Variants in SULT1B1 observed in about 807,000 individuals in gnomAD.
SULT1B1 encodes the protein sulfotransferase 1B1.
Under a neutral mutation model 34.6 loss-of-function variants are expected in SULT1B1, and 28 were observed. That is an observed-to-expected ratio of 0.81 (90% CI 0.60 to 1.11). The LOEUF is 1.11. SULT1B1 is among the 50% of genes least tolerant of loss of function. The probability of loss-of-function intolerance (pLI) is 0.00; values close to 1 mark genes in which losing one functional copy is unlikely to be tolerated. For missense variants in SULT1B1, 374 were observed against 352.2 expected, an observed-to-expected ratio of 1.06 and a Z score of -0.50; for synonymous variants, 147 against 110.2, an observed-to-expected ratio of 1.33 and a Z score of -2.09.
Position 69,760,604 on chromosome 4 carries a change from A to G in SULT1B1, c.-190T>C, listed in dbSNP as rs1578074055. 1 of 152,192 alleles carries G rather than the reference A, an allele frequency of 6.6e-6. No individual in the cohort carries two copies. Among genetic ancestry groups the G allele is most frequent in the African/African-American group, 2.4e-5 (1 of 41,418 alleles). 9.4% of individuals were successfully genotyped at this position (152,192 alleles called of 1,614,324 possible). ...CAGAAAAAAAAAAGTTCAAGGTTTG[A>G]TCTGAACGTAGCAATCACTGAGTTT... On this transcript the variant is annotated 5_prime_UTR_variant, in exon 1 of 8. Transcript: ENST00000310613.
chr4:69,757,986 C>A (rs1357939039), intron 1 of SULT1B1, among the ~76,000 whole-genome samples: 2 of 152,102 alleles, frequency 1.3e-5, no homozygotes, highest in East Asian at 1.9e-4. Flanking sequence ...GTGAATGGAG[C>A]ATTTTAGGAA....
intron 7 of SULT1B1, among the ~76,000 whole-genome samples, chr4:69,729,331 G>A (rs1307181428): frequency 6.6e-6 from 1 of 151,948 alleles, no homozygotes; most frequent in Non-Finnish European, 1.5e-5. Flanking sequence ...CATGTTTTGA[G>A]TGCCAATTTT....
chr4:69,755,862 T>C (rs1329646443), intron 1 of SULT1B1, among the ~76,000 whole-genome samples: 1 of 152,178 alleles, frequency 6.6e-6, no homozygotes, highest in Admixed American at 6.5e-5. Flanking sequence ...TCAGCCATTA[T>C]TTCTTCAAAT....
intron 7 of SULT1B1, among the ~76,000 whole-genome samples, chr4:69,730,067 T>G (rs1718012047): frequency 6.6e-6 from 1 of 152,112 alleles, no homozygotes. Context: ...TGGTGAATTA[T>G]TTTTAATACA....
chr4:69,754,785 A>C lies in SULT1B1; in HGVS notation c.162T>G (p.Val54=). Residue 54 remains valine, a synonymous_variant, in exon 3 of 8, where the codon GTT becomes GTG. Transcript: ENST00000310613. The stretch of plus-strand genomic sequence containing the variant: ...TTAGAATCATGTCTATAATTTCACT[A>C]ACCCAAGTAGTACCTGTGACAAAAG... The part of the protein sequence containing the change: ...ATYPKSGTTW[V]SEIIDMILND... The C allele has an allele frequency of 6.2e-7, 1 of 1,612,598 alleles. No homozygotes were observed. Among genetic ancestry groups the C allele is most frequent in the Non-Finnish European group, 8.5e-7 (1 of 1,179,184 alleles).
Position 69,724,420 on chromosome 4 carries a change from C to T in SULT1B1, c.*2668G>A, listed in dbSNP as rs12505325. 10,192 of 152,182 alleles carry T rather than the reference C, an allele frequency of 0.067. 507 individuals carry two copies. The highest frequency in any genetic ancestry group is 0.12 in the Admixed American group (1,906 of 15,266). The allele number at this position is 152,182 out of a possible 1,614,324, so 9.4% of individuals were successfully genotyped here. ...TTCCATGCTCATGGATAGGAAGAAT[C>T]AATATCATGAAAATGGCCATACTGC... On this transcript the variant is annotated 3_prime_UTR_variant, in exon 8 of 8. Transcript: ENST00000310613.
Position 69,751,974 on chromosome 4 carries a change from T to C in SULT1B1, c.278-2156A>G, listed in dbSNP as rs143536514. Among the ~76,000 whole-genome samples the C allele has an allele frequency of 1.3e-3, 202 of 152,354 alleles. 4 individuals are homozygous for C. Among genetic ancestry groups the C allele is most frequent in the African/African-American group, 4.6e-3 (193 of 41,586 alleles). On this transcript the variant is annotated intron_variant, in intron 3 of 7. Transcript: ENST00000310613. ...TCCCTCTTGAACTCATTTTGGTTCC[T>C]TGCCCCAGCATAATCCCTCAGTTCC...
At chr4:69,757,056 A>C (rs1250831050) in intron 1 of SULT1B1, among the ~76,000 whole-genome samples, 1 of 152,162 alleles carries the variant, frequency 6.6e-6, no homozygotes, top group African/African-American at 2.4e-5. Context: ...TGGACACATA[A>C]AATTGGCATC....
At chr4:69,733,654 T>A (rs1718177109) in intron 5 of SULT1B1, 147 bp from the exon 6 acceptor site, 2 of 565,752 alleles carry the variant, frequency 3.5e-6, no homozygotes, top group Non-Finnish European at 5.9e-6. Context: ...TAAAATTAGC[T>A]ATTTATGGAT....
At chr4:69,732,373 G>A (rs921884607) in intron 6 of SULT1B1, among the ~76,000 whole-genome samples, 3 of 152,030 alleles carry the variant, frequency 2.0e-5, no homozygotes, top group Non-Finnish European at 4.4e-5. Context: ...TTTCACATGG[G>A]GCCAAATTTC....
At chr4:69,751,122 A>G (rs191674378) in intron 3 of SULT1B1, among the ~76,000 whole-genome samples, 1 of 152,354 alleles carries the variant, frequency 6.6e-6, no homozygotes. Flanking sequence ...ATAAATTACT[A>G]TACAACTCCA....
intron 3 of SULT1B1, among the ~76,000 whole-genome samples, chr4:69,752,847 A>G (rs1348410963): frequency 6.6e-6 from 1 of 152,234 alleles, no homozygotes; most frequent in South Asian, 2.1e-4. Flanking sequence ...TTCCAGCAGC[A>G]TTTGAAAGTC....
rs145209702 is a variant in SULT1B1 at position 69,724,697 on chromosome 4, A to C, written c.*2391T>G. ...GATATAGACCAATGGAACAGAACAGAGCCCTCAGAAATAATACTACACATC... is the reference window on the plus strand; with the variant it reads ...GATATAGACCAATGGAACAGAACAGCGCCCTCAGAAATAATACTACACATC... On this transcript the variant is annotated 3_prime_UTR_variant, in exon 8 of 8. Transcript: ENST00000310613. 0.089 allele frequency: 13,575 copies of C among 152,262 alleles called. 854 individuals carry two copies. The highest frequency in any genetic ancestry group is 0.37 in the East Asian group (1,917 of 5,156). The allele number at this position is 152,262 out of a possible 1,614,324, so 9.4% of individuals were successfully genotyped here. A position where few individuals can be genotyped will look rare whatever the true frequency, so the allele number is the denominator to read the frequency against.
rs1182361174 is a variant in SULT1B1 at position 69,726,172 on chromosome 4, A to G, written c.*916T>C. The G allele has an allele frequency of 6.7e-6, 1 of 149,320 alleles. No homozygotes were observed. Among genetic ancestry groups the G allele is most frequent in the Non-Finnish European group, 1.5e-5 (1 of 67,284 alleles). 9.2% of individuals were successfully genotyped at this position (149,320 alleles called of 1,614,324 possible). ...AAGGAACATTGGGTCAAGAGGGCAG[A>G]GTGGAGATTCAGCCTAGAGAGTCTT... On this transcript the variant is annotated 3_prime_UTR_variant, in exon 8 of 8. Coordinates refer to ENST00000310613, the MANE Select transcript of SULT1B1 (RefSeq NM_014465.4).
At chr4:69,728,485 G>T (rs543103803) in intron 7 of SULT1B1, among the ~76,000 whole-genome samples, 1 of 152,114 alleles carries the variant, frequency 6.6e-6, no homozygotes, top group Admixed American at 6.6e-5. Flanking sequence ...CATGCCCCTT[G>T]CACTACATTG....
chr4:69,739,349 C>T (rs1718447644), intron 4 of SULT1B1, among the ~76,000 whole-genome samples: 1 of 152,196 alleles, frequency 6.6e-6, no homozygotes, highest in Non-Finnish European at 1.5e-5. Context: ...GCTTTGAAAT[C>T]TAGGCAGAGG....
At chr4:69,733,362 A>G in intron 6 of SULT1B1, 51 bp downstream of exon 6, 1 of 1,320,260 alleles carries the variant, frequency 7.6e-7, no homozygotes, top group Non-Finnish European at 1.1e-6. Context: ...CAACCCTTTT[A>G]CAGCATGATG....
intron 7 of SULT1B1, among the ~76,000 whole-genome samples, chr4:69,728,460 GCATT>G (rs1717925355): frequency 6.6e-6 from 1 of 151,900 alleles, no homozygotes; most frequent in Non-Finnish European, 1.5e-5. Flanking sequence ...ACTTCTTTCA[GCATT>G]CATTCATGTA....
chr4:69,730,465 G>A (rs748363827), intron 7 of SULT1B1, 36 bp downstream of exon 7: 12 of 1,557,532 alleles, frequency 7.7e-6, no homozygotes, highest in South Asian at 6.9e-5. Flanking sequence ...TCATAAGAAA[G>A]TACGAAAGGG....
Sources: allele counts gnomAD v4.1 joint callset (sites outside exome capture counted in the v4.1 genomes callset), GRCh38; gene constraint gnomAD v4.1.1; transcripts MANE v1.5; gene names NCBI Gene and HGNC (gene_info 2026-07-23, HGNC 2026-07-21).